SNX25: variants seen among roughly 807,000 people sequenced by gnomAD.
SNX25 encodes the protein sorting nexin 25.
A neutral mutation model predicts 113.7 loss-of-function variants in SNX25; 62 were observed. That is an observed-to-expected ratio of 0.55 (90% CI 0.44 to 0.67). The LOEUF (loss-of-function observed/expected upper bound fraction) is 0.67. Among genes scored for constraint, SNX25 ranks in the 30% least tolerant of loss-of-function variants. The pLI, the probability that SNX25 is intolerant of heterozygous loss-of-function variation, is 0.00. For missense variants in SNX25, 1,014 were observed against 1,161.0 expected (o/e 0.87, Z 1.84); for synonymous variants, 421 against 436.2 (o/e 0.97, Z 0.43).
chr4:185,373,667 C>T (rs1228303615), downstream of SNX25, among the ~76,000 whole-genome samples: 2 of 152,198 alleles, frequency 1.3e-5, no homozygotes, highest in Non-Finnish European at 2.9e-5. Flanking sequence ...TCCTCTCTCA[C>T]AAGTAGGACT....
chr4:185,313,212 G>A (rs1032226962), intron 7 of SNX25, among the ~76,000 whole-genome samples: 1 of 152,188 alleles, frequency 6.6e-6, no homozygotes, highest in Non-Finnish European at 1.5e-5. Context: ...CAGATAAGTT[G>A]GAAGTAAGAG....
At chr4:185,299,472 C>T (rs1170539874) in intron 6 of SNX25, among the ~76,000 whole-genome samples, 1 of 152,148 alleles carries the variant, frequency 6.6e-6, no homozygotes, top group Admixed American at 6.6e-5. Context: ...CCAAAAGCTT[C>T]TGGTTCTGTA....
intron 17 of SNX25, 134 bp downstream of exon 17, chr4:185,362,239 C>T (rs2095368291): frequency 7.2e-7 from 1 of 1,380,482 alleles, no homozygotes; most frequent in Non-Finnish European, 9.4e-7. Flanking sequence ...TCTTTTAAGC[C>T]ATTTTTTGTC....
intron 1 of SNX25, among the ~76,000 whole-genome samples, chr4:185,224,438 G>T (rs181713214): frequency 8.0e-5 from 5 of 62,280 alleles, no homozygotes; most frequent in South Asian, 1.2e-3. Flanking sequence ...AAAATATATA[G>T]ATATATAAAT....
intron 6 of SNX25, among the ~76,000 whole-genome samples, chr4:185,306,601 CTCTT>C (rs575253991): frequency 1.3e-5 from 2 of 152,278 alleles, no homozygotes; most frequent in South Asian, 4.1e-4. Flanking sequence ...ATATTTCTCT[CTCTT>C]TATTAACATG....
intron 1 of SNX25, among the ~76,000 whole-genome samples, chr4:185,238,704 G>C (rs1345722612): frequency 6.6e-6 from 1 of 152,148 alleles, no homozygotes; most frequent in Non-Finnish European, 1.5e-5. Flanking sequence ...CATTTCAGTA[G>C]CTTTATAGGA....
intron 2 of SNX25, among the ~76,000 whole-genome samples, chr4:185,252,706 T>G (rs902696499): frequency 1.3e-5 from 2 of 152,198 alleles, no homozygotes; most frequent in Non-Finnish European, 2.9e-5. Flanking sequence ...ACTAAATTTG[T>G]GCTTGTGTTG....
intron 4 of SNX25, among the ~76,000 whole-genome samples, chr4:185,265,483 A>AG (rs1258947974): frequency 6.6e-6 from 1 of 152,224 alleles, no homozygotes; most frequent in Non-Finnish European, 1.5e-5. Flanking sequence ...ACACCTATAT[A>AG]GGACACTTAC....
intron 5 of SNX25, among the ~76,000 whole-genome samples, chr4:185,278,531 C>T (rs1018903650): frequency 7.2e-5 from 11 of 151,908 alleles, no homozygotes; most frequent in African/African-American, 2.7e-4. Flanking sequence ...ATGTAGTTCT[C>T]GGATCATAGT....
At position 185,210,042 on chromosome 4, in the gene SNX25, C is replaced by T. The variant is rs1179950061; in HGVS notation, c.216C>T (p.Ser72=). The T allele has an allele frequency of 6.1e-6, 6 of 984,010 alleles. No individual in the cohort carries two copies. Among genetic ancestry groups the T allele is most frequent in the African/African-American group, 1.8e-5 (1 of 57,046 alleles). 61.0% of individuals were successfully genotyped at this position (984,010 alleles called of 1,614,324 possible). A position where few individuals can be genotyped will look rare whatever the true frequency, so the allele number is the denominator to read the frequency against. ...CCGCACTCGCCGCCGTGGCCCTCTC[C>T]TTCCTGGGGCCCGGCAGCGGGGAGG... ...AVAALAAVAL[S]FLGPGSGEAA... is the part of the protein sequence containing the mutation. Residue 72 remains serine, a synonymous_variant, in exon 1 of 19, where the codon TCC becomes TCT. Transcript: ENST00000652585. The surrounding 1 kb of genome is among the most constrained non-coding windows in gnomAD (Gnocchi z 4.4).
intron 2 of SNX25, among the ~76,000 whole-genome samples, chr4:185,256,911 A>C (rs1219149001): frequency 2.6e-5 from 4 of 152,094 alleles, no homozygotes; most frequent in Non-Finnish European, 4.4e-5. Context: ...GGAATGAGCC[A>C]CTGTGCCCAG....
chr4:185,375,516 GTA>G, the SNX25 span: 14 of 46,696 alleles, frequency 3.0e-4, no homozygotes, highest in Admixed American at 2.9e-3. Flanking sequence ...ATATATATAT[GTA>G]TATATATATG....
At chr4:185,344,751 C>G (rs566931752) in intron 12 of SNX25, among the ~76,000 whole-genome samples, 4 of 152,350 alleles carry the variant, frequency 2.6e-5, no homozygotes, top group African/African-American at 9.6e-5. Context: ...AAATGTGTCT[C>G]TTTTCTTTAA....
At chr4:185,243,537 G>A (rs1293279649) in intron 1 of SNX25, among the ~76,000 whole-genome samples, 7 of 152,090 alleles carry the variant, frequency 4.6e-5, no homozygotes, top group Non-Finnish European at 8.8e-5. Flanking sequence ...GGGAGATTGA[G>A]GCTACAGTGA....
chr4:185,250,005 C>T (rs1745416999), intron 2 of SNX25, among the ~76,000 whole-genome samples: 2 of 151,944 alleles, frequency 1.3e-5, no homozygotes, highest in Admixed American at 1.3e-4. Flanking sequence ...TTCTGATGTC[C>T]AGTTGTTTTT....
chr4:185,329,148 G>T (rs1333385365), intron 9 of SNX25, among the ~76,000 whole-genome samples: 4 of 152,184 alleles, frequency 2.6e-5, no homozygotes, highest in African/African-American at 9.7e-5. Context: ...GCTATTCGTG[G>T]TTATAAAGTT....
At chr4:185,374,260 A>T (rs1005846037), downstream of SNX25, 1 of 1,614,100 alleles carries the variant, frequency 6.2e-7, no homozygotes, top group Admixed American at 1.7e-5. Flanking sequence ...AAAGTGAGGC[A>T]TGTTATTCTC....
intron 1 of SNX25, among the ~76,000 whole-genome samples, chr4:185,236,056 C>T (rs1742578574): frequency 6.6e-6 from 1 of 152,154 alleles, no homozygotes; most frequent in Non-Finnish European, 1.5e-5. Flanking sequence ...TGCGGATGAT[C>T]TAAGGTCGGT....
intron 3 of SNX25, among the ~76,000 whole-genome samples, chr4:185,261,112 C>G (rs1263450027): frequency 1.7e-4 from 19 of 114,612 alleles, no homozygotes; most frequent in African/African-American, 3.0e-4. Flanking sequence ...GTCTGTCTGT[C>G]TCTGTGTGTG....
Sources: allele counts gnomAD v4.1 joint callset (sites outside exome capture counted in the v4.1 genomes callset), GRCh38; gene constraint gnomAD v4.1.1; non-coding constraint Gnocchi (gnomAD v3.1); transcripts MANE v1.5; gene names NCBI Gene and HGNC (gene_info 2026-07-23, HGNC 2026-07-21).